ESRRG: variants seen among roughly 807,000 people sequenced by gnomAD.
The protein encoded by ESRRG is estrogen related receptor gamma, also known as estrogen-related receptor gamma.
In ESRRG, 13 loss-of-function variants were observed where a neutral mutation model predicts 44.0. That is an observed-to-expected ratio of 0.30 (90% CI 0.19 to 0.47). The LOEUF is 0.47. Ranked by LOEUF, ESRRG falls within the 20% of genes least tolerant of loss-of-function variation. The pLI is 1.00. For synonymous variants in ESRRG, 215 were observed against 214.6 expected (o/e 1.00, Z -0.02); for missense variants, 395 against 580.6 (o/e 0.68, Z 3.29).
chr1:217,056,673 C>T (rs6680670), intron 1 of ESRRG, among the ~76,000 whole-genome samples: 30,962 of 150,468 alleles, frequency 0.21, 3,224 homozygotes, highest in African/African-American at 0.23. Context: ...CTGGCCATGA[C>T]GGCAGCATAG....
intron 1 of ESRRG, among the ~76,000 whole-genome samples, chr1:216,710,272 G>A (rs181631498): frequency 1.0e-3 from 154 of 152,256 alleles, no homozygotes; most frequent in Middle Eastern, 3.4e-3. Flanking sequence ...TGGGGCTCAC[G>A]CTGCTCAGAG....
chr1:216,561,189 C>A (rs1471320839), intron 5 of ESRRG, among the ~76,000 whole-genome samples: 1 of 152,008 alleles, frequency 6.6e-6, no homozygotes, highest in Non-Finnish European at 1.5e-5. Flanking sequence ...TTTGTTGTAT[C>A]CTTCACTTTC....
chr1:217,036,680 G>T (rs1292014526), intron 1 of ESRRG, among the ~76,000 whole-genome samples: 1 of 152,086 alleles, frequency 6.6e-6, no homozygotes, highest in Non-Finnish European at 1.5e-5. Context: ...GAGGTTGGGA[G>T]GAGGAAAAGG....
chr1:217,049,855 G>T (rs1319986498), intron 1 of ESRRG, among the ~76,000 whole-genome samples: 16 of 152,170 alleles, frequency 1.1e-4, no homozygotes, highest in Non-Finnish European at 2.1e-4. Flanking sequence ...ATCCAGAATG[G>T]GGCAGAAAGT....
At chr1:217,061,220 T>C (rs1310952795) in intron 1 of ESRRG, among the ~76,000 whole-genome samples, 1 of 152,080 alleles carries the variant, frequency 6.6e-6, no homozygotes, top group East Asian at 1.9e-4. Flanking sequence ...TAAAACAACC[T>C]CCCTATCACC....
rs187963297 is a variant in ESRRG, at chr1:216,913,664, A to G, written c.-14+25918T>C. Among the ~76,000 whole-genome samples, 635 of 152,278 alleles carry G rather than the reference A, an allele frequency of 4.2e-3. 5 individuals carry two copies. Among genetic ancestry groups the G allele is most frequent in the African/African-American group, 0.014 (588 of 41,544 alleles). On this transcript the variant is annotated intron_variant, in intron 2 of 7. Transcript: ENST00000359162. ...CTCAAGCGTGCTGCATCTGTTTCCTAGTTCTAAGATGGGAATAAAAATAGC... is the reference window on the plus strand; with the variant it reads ...CTCAAGCGTGCTGCATCTGTTTCCTGGTTCTAAGATGGGAATAAAAATAGC...
intron 2 of ESRRG, among the ~76,000 whole-genome samples, chr1:216,908,643 C>A (rs2059951523): frequency 6.6e-6 from 1 of 152,040 alleles, no homozygotes; most frequent in Non-Finnish European, 1.5e-5. Context: ...CCCCTCAAAT[C>A]ATCTTGGAGT....
At chr1:216,626,877 T>C (rs2063283905) in intron 3 of ESRRG, among the ~76,000 whole-genome samples, 4 of 152,326 alleles carry the variant, frequency 2.6e-5, no homozygotes, top group Non-Finnish European at 4.4e-5. Context: ...CCAAATAGAT[T>C]AGAATCAAAA....
intron 2 of ESRRG, among the ~76,000 whole-genome samples, chr1:216,773,925 A>G (rs1283528352): frequency 1.3e-5 from 2 of 152,248 alleles, no homozygotes; most frequent in Admixed American, 6.5e-5. Flanking sequence ...TAAGTACTAG[A>G]TAATTATAAT....
intron 2 of ESRRG, among the ~76,000 whole-genome samples, chr1:216,851,007 A>G (rs1288545504): frequency 6.7e-6 from 1 of 150,106 alleles, no homozygotes; most frequent in Non-Finnish European, 1.5e-5. Context: ...TATGGTTTAC[A>G]TGCATGTGTT....
intron 1 of ESRRG, among the ~76,000 whole-genome samples, chr1:217,113,389 A>G (rs991946289): frequency 4.6e-5 from 7 of 152,230 alleles, no homozygotes; most frequent in Non-Finnish European, 7.4e-5. Flanking sequence ...TCTGAATAGG[A>G]GTGTTCATAG....
intron 5 of ESRRG, among the ~76,000 whole-genome samples, chr1:216,520,349 T>C (rs2045718413): frequency 6.6e-6 from 1 of 152,182 alleles, no homozygotes; most frequent in Admixed American, 6.5e-5. Flanking sequence ...ATATATGTTC[T>C]TTTTATCTGA....
intron 1 of ESRRG, among the ~76,000 whole-genome samples, chr1:216,705,645 A>G (rs2082302373): frequency 6.6e-6 from 1 of 152,228 alleles, no homozygotes; most frequent in African/African-American, 2.4e-5. Flanking sequence ...TGCAAATCGA[A>G]TGCTTTCATG....
At chr1:216,511,851 A>G (rs1483687349) in intron 6 of ESRRG, among the ~76,000 whole-genome samples, 1 of 151,126 alleles carries the variant, frequency 6.6e-6, no homozygotes, top group African/African-American at 2.5e-5. Flanking sequence ...TGGGCTTCAA[A>G]AAGGATTATA....
intron 2 of ESRRG, among the ~76,000 whole-genome samples, chr1:216,840,909 A>G (rs1317771113): frequency 2.0e-5 from 3 of 152,194 alleles, no homozygotes; most frequent in Non-Finnish European, 2.9e-5. Context: ...CATACAAGAT[A>G]TAATAATAAT....
intron 2 of ESRRG, among the ~76,000 whole-genome samples, chr1:216,898,108 AG>A (rs1401144271): frequency 6.6e-6 from 1 of 152,220 alleles, no homozygotes; most frequent in Non-Finnish European, 1.5e-5. Context: ...TGAGAAGTGC[AG>A]GGGGAAAAAA....
At chr1:216,568,552 T>C (rs1233165089) in intron 3 of ESRRG, among the ~76,000 whole-genome samples, 1 of 152,156 alleles carries the variant, frequency 6.6e-6, no homozygotes. Flanking sequence ...CCTGTGGAAT[T>C]GAGCTGAATA....
At chr1:216,601,472 A>C (rs2059250353) in intron 3 of ESRRG, among the ~76,000 whole-genome samples, 1 of 152,194 alleles carries the variant, frequency 6.6e-6, no homozygotes, top group South Asian at 2.1e-4. Context: ...AAGACTTAAC[A>C]CATTTCCTGA....
At chr1:216,573,607 A>G (rs1047985506) in intron 3 of ESRRG, among the ~76,000 whole-genome samples, 7 of 151,894 alleles carry the variant, frequency 4.6e-5, no homozygotes, top group African/African-American at 1.7e-4. Context: ...AAATAACTTA[A>G]AGGATGACAG....
Sources: gnomAD v4.1 joint callset for allele counts (sites outside exome capture counted in the v4.1 genomes callset) on GRCh38, gnomAD v4.1.1 for gene constraint, MANE v1.5 for transcripts, NCBI Gene and HGNC (gene_info 2026-07-23, HGNC 2026-07-21) for gene names.